The following TRIM67 variants were observed in gnomAD, a reference collection of about 807,000 sequenced individuals.
TRIM67 encodes the protein tripartite motif containing 67, also known as tripartite motif-containing protein 67.
TRIM67 carries 39 observed loss-of-function variants against 71.0 expected under a neutral mutation model. The observed-to-expected ratio is 0.55, with a 90% CI of 0.43 to 0.72. The LOEUF (loss-of-function observed/expected upper bound fraction) is 0.72. TRIM67 is among the 30% of genes least tolerant of loss of function. The probability of loss-of-function intolerance (pLI) is 0.00; values close to 1 mark genes in which losing one functional copy is unlikely to be tolerated. For synonymous variants in TRIM67, 481 were observed against 473.9 expected (o/e 1.01, Z -0.19); for missense variants, 973 against 1,079.2 (o/e 0.90, Z 1.38).
intron 1 of TRIM67, among the ~76,000 whole-genome samples, chr1:231,168,922 C>T (rs1331440798): frequency 6.6e-6 from 1 of 152,224 alleles, no homozygotes; most frequent in Non-Finnish European, 1.5e-5. Context: ...AACTCTATGG[C>T]TGATGATTGT....
chr1:231,191,278 T>A (rs11122246), intron 1 of TRIM67, among the ~76,000 whole-genome samples: 8,122 of 152,242 alleles, frequency 0.053, 390 homozygotes, highest in African/African-American at 0.13. Context: ...TTGCTTAGGC[T>A]AGTCTAGAAC....
At position 231,216,151 on chromosome 1, in the gene TRIM67, TCTC is replaced by T; in HGVS notation, c.*712_*714del. ...CCTTCATTTCTTCTCCCTCCCTCCT[TCTC>T]TTTCTCTCTTCTTCTCTCTCTCCTT... On this transcript the variant is annotated 3_prime_UTR_variant, in exon 10 of 10. Coordinates refer to ENST00000366653, the MANE Select transcript of TRIM67 (RefSeq NM_001004342.5). 2 of 972,148 alleles carry T rather than the reference TCTC, an allele frequency of 2.1e-6. No individual in the cohort carries two copies. Among genetic ancestry groups the T allele is most frequent in the Non-Finnish European group, 2.4e-6 (2 of 818,206 alleles). 60.2% of individuals were successfully genotyped at this position (972,148 alleles called of 1,614,324 possible). A position where few individuals can be genotyped will look rare whatever the true frequency, so the allele number is the denominator to read the frequency against.
At chr1:231,177,557 T>C (rs1206731310) in intron 1 of TRIM67, among the ~76,000 whole-genome samples, 2 of 152,240 alleles carry the variant, frequency 1.3e-5, no homozygotes, top group Non-Finnish European at 2.9e-5. Context: ...CTCTAGCCTT[T>C]CTTCACGGAA....
At chr1:231,169,156 A>T (rs1312775051) in intron 1 of TRIM67, among the ~76,000 whole-genome samples, 1 of 152,146 alleles carries the variant, frequency 6.6e-6, no homozygotes, top group African/African-American at 2.4e-5. Flanking sequence ...TCTGGGGTTC[A>T]AGTGATTCTG....
intron 1 of TRIM67, among the ~76,000 whole-genome samples, chr1:231,197,149 TGGGGATGAGAAA>T (rs1683386362): frequency 6.6e-6 from 1 of 152,206 alleles, no homozygotes; most frequent in South Asian, 2.1e-4. Flanking sequence ...TATCCAGCTT[TGGGGATGAGAAA>T]GGAGAGTGCA....
chr1:231,189,203 T>C (rs1489354395), intron 1 of TRIM67, among the ~76,000 whole-genome samples: 1 of 152,156 alleles, frequency 6.6e-6, no homozygotes, highest in East Asian at 1.9e-4. Flanking sequence ...CATTGAACAG[T>C]TCTGTGGCCA....
Position 231,216,825 on chromosome 1 carries a change from C to A in TRIM67, c.*1385C>A, listed in dbSNP as rs796818088. On this transcript the variant is annotated 3_prime_UTR_variant, in exon 10 of 10. Coordinates refer to ENST00000366653, the MANE Select transcript of TRIM67 (RefSeq NM_001004342.5). ...TGGCAGGGGTTTTGAGCCTGCCAGG[C>A]TCTTGTTCCCAGGGAACCCTTCCTC... is the stretch of plus-strand genomic sequence containing the variant. 3.0e-5 allele frequency: 30 copies of A among 985,574 alleles called. 1 individual carries two copies. In the African/African-American group the frequency reaches 4.5e-4, roughly 15 times the overall value. 61.1% of individuals were successfully genotyped at this position (985,574 alleles called of 1,614,324 possible).
In TRIM67 at chr1:231,162,905, C is replaced by T; in HGVS notation, c.-65C>T. Reference sequence around the variant, plus strand: ...GGGGCGCACCGCGCTGGTCCTCCTCCGCCAGTCTCCCGAGCTCCGGCCATT... The same window carrying T: ...GGGGCGCACCGCGCTGGTCCTCCTCTGCCAGTCTCCCGAGCTCCGGCCATT... On this transcript the variant is annotated 5_prime_UTR_variant, in exon 1 of 10. Transcript: ENST00000366653. 1.9e-6 allele frequency: 3 copies of T among 1,557,860 alleles called. No homozygotes were observed. The highest frequency in any genetic ancestry group is 2.4e-5 in the East Asian group (1 of 42,102).
At chr1:231,188,288 C>T (rs947714639) in intron 1 of TRIM67, among the ~76,000 whole-genome samples, 9 of 152,178 alleles carry the variant, frequency 5.9e-5, no homozygotes, top group Non-Finnish European at 1.0e-4. Context: ...CTGATGGCAA[C>T]GTTGCTTTAT....
chr1:231,201,291 C>T (rs78871549), intron 4 of TRIM67, 67 bp from the exon 5 acceptor site: 78,115 of 1,516,968 alleles, frequency 0.051, 2,157 homozygotes, highest in South Asian at 0.057. Flanking sequence ...CCTACCTCTT[C>T]CTCACCCCTG....
chr1:231,178,083 G>C (rs1682803381), intron 1 of TRIM67, among the ~76,000 whole-genome samples: 1 of 152,154 alleles, frequency 6.6e-6, no homozygotes, highest in South Asian at 2.1e-4. Context: ...ATATTGAAAA[G>C]AGCCATCCAT....
At chr1:231,207,111 T>C (rs2180273) in intron 7 of TRIM67, among the ~76,000 whole-genome samples, 42,367 of 152,152 alleles carry the variant, frequency 0.28, 8,072 homozygotes, top group African/African-American at 0.54. Context: ...CACACAGCTC[T>C]TTGCTGCACC....
At chr1:231,203,035 C>G (rs1445129719) in intron 5 of TRIM67, among the ~76,000 whole-genome samples, 1 of 152,138 alleles carries the variant, frequency 6.6e-6, no homozygotes, top group African/African-American at 2.4e-5. Context: ...CTCCTACCAG[C>G]TCGTTAACTG....
At chr1:231,178,456 T>C (rs1455305280) in intron 1 of TRIM67, among the ~76,000 whole-genome samples, 1 of 152,218 alleles carries the variant, frequency 6.6e-6, no homozygotes, top group Non-Finnish European at 1.5e-5. Context: ...GCCACTATTA[T>C]CATCACGATT....
chr1:231,174,640 G>A (rs1682699103), intron 1 of TRIM67, among the ~76,000 whole-genome samples: 1 of 151,996 alleles, frequency 6.6e-6, no homozygotes. Context: ...TTTCTCAGAT[G>A]TCCTGCCCTT....
rs1347040360 is a variant in TRIM67 at position 231,193,515 on chromosome 1, T to TCTCTCTCTCA, written c.1045-3847_1045-3846insACTCTCTCTC. 2.7e-5 allele frequency among the ~76,000 whole-genome samples: 4 copies of TCTCTCTCTCA among 148,618 alleles called. No homozygotes were observed. The East Asian group carries it at 8.1e-4, about 30-fold the overall frequency. On this transcript the variant is annotated intron_variant, in intron 1 of 9. Transcript: ENST00000366653. ...AACTCTCTCTCAAGCTCTCTCTCTCTCTCTCTCTCTCTCTCTCTCTCTCTC... is the reference window on the plus strand; with the variant it reads ...AACTCTCTCTCAAGCTCTCTCTCTCTCTCTCTCTCACTCTCTCTCTCTCTCTCTCTCTCTC...
At chr1:231,164,848 T>C (rs1439128226) in intron 1 of TRIM67, among the ~76,000 whole-genome samples, 1 of 152,238 alleles carries the variant, frequency 6.6e-6, no homozygotes, top group Non-Finnish European at 1.5e-5. Context: ...CATTCCTATA[T>C]AGATTTGTTG....
intron 9 of TRIM67, 114 bp downstream of exon 9, chr1:231,214,091 C>A: frequency 7.9e-7 from 1 of 1,264,276 alleles, no homozygotes; most frequent in Non-Finnish European, 1.1e-6. Flanking sequence ...CAGAGCCTTC[C>A]CAGACAGAGC....
chr1:231,194,627 A>G (rs768436185), intron 1 of TRIM67, among the ~76,000 whole-genome samples: 1 of 152,216 alleles, frequency 6.6e-6, no homozygotes, highest in Admixed American at 6.5e-5. Context: ...ATGACAACAT[A>G]CAGGCTAACA....
Sources: gnomAD v4.1 joint callset for allele counts (sites outside exome capture counted in the v4.1 genomes callset) on GRCh38, gnomAD v4.1.1 for gene constraint, MANE v1.5 for transcripts, NCBI Gene and HGNC (gene_info 2026-07-23, HGNC 2026-07-21) for gene names.